GALNT17: variants seen among roughly 807,000 people sequenced by gnomAD.
GALNT17 encodes the protein UDP-GalNAc:polypeptide N-acetylgalactosaminyltransferase-like 3.
GALNT17 carries 29 observed loss-of-function variants against 63.7 expected under a neutral mutation model. The observed-to-expected ratio is 0.46, with a 90% confidence interval of 0.34 to 0.62. The LOEUF (loss-of-function observed/expected upper bound fraction) is 0.62. Among genes scored for constraint, GALNT17 ranks in the 20% least tolerant of loss-of-function variants. The pLI is 0.01. For missense variants in GALNT17, 603 were observed against 799.6 expected (o/e 0.75, Z 2.97); for synonymous variants, 305 against 318.3 (o/e 0.96, Z 0.45).
chr7:71,254,374 G>A (rs1790253525), intron 1 of GALNT17, among the ~76,000 whole-genome samples: 2 of 152,188 alleles, frequency 1.3e-5, no homozygotes, highest in Admixed American at 1.3e-4. Context: ...GGGAAGGGAA[G>A]AGGATTCTCT....
chr7:71,161,485 T>A (rs1426700071), intron 1 of GALNT17, among the ~76,000 whole-genome samples: 1 of 152,206 alleles, frequency 6.6e-6, no homozygotes, highest in Non-Finnish European at 1.5e-5. Context: ...ATTACGAATA[T>A]GCTTTCCACA....
intron 1 of GALNT17, among the ~76,000 whole-genome samples, chr7:71,158,726 G>A (rs7809410): frequency 0.46 from 69,841 of 151,144 alleles, 17,793 homozygotes; most frequent in African/African-American, 0.64. Flanking sequence ...ACAGGCGCCT[G>A]CCACCACACC....
At chr7:71,610,915 G>A (rs528486107) in intron 6 of GALNT17, among the ~76,000 whole-genome samples, 64 of 151,596 alleles carry the variant, frequency 4.2e-4, no homozygotes, top group African/African-American at 1.5e-3. Context: ...GAATTTGGAA[G>A]GCGGAGGTTG....
At chr7:71,279,144 C>G (rs773526712) in intron 1 of GALNT17, among the ~76,000 whole-genome samples, 3 of 151,866 alleles carry the variant, frequency 2.0e-5, no homozygotes, top group Non-Finnish European at 4.4e-5. Context: ...AGGATGGTCT[C>G]GATCTCCTTA....
chr7:71,694,343 A>G (rs1345997274), intron 9 of GALNT17, among the ~76,000 whole-genome samples: 1 of 143,482 alleles, frequency 7.0e-6, no homozygotes, highest in African/African-American at 2.6e-5. Flanking sequence ...CTATGATGTA[A>G]TCTATAATTA....
intron 6 of GALNT17, among the ~76,000 whole-genome samples, chr7:71,577,576 GTCT>G (rs1369965221): frequency 6.6e-5 from 10 of 152,100 alleles, no homozygotes; most frequent in African/African-American, 2.4e-4. Flanking sequence ...CCCTGCAGGG[GTCT>G]TCTTGTTGGG....
At chr7:71,676,429 G>T (rs1447586447) in intron 8 of GALNT17, among the ~76,000 whole-genome samples, 7 of 151,848 alleles carry the variant, frequency 4.6e-5, no homozygotes, top group African/African-American at 1.7e-4. Context: ...TGTCGCCCAG[G>T]CTGGAGTGAA....
At chr7:71,384,051 A>T (rs1000448698) in intron 2 of GALNT17, among the ~76,000 whole-genome samples, 2 of 152,130 alleles carry the variant, frequency 1.3e-5, no homozygotes, top group African/African-American at 4.8e-5. Flanking sequence ...CTCCCCTTCC[A>T]TCAACAGTGC....
intron 5 of GALNT17, among the ~76,000 whole-genome samples, chr7:71,561,813 G>A (rs551041541): frequency 1.4e-4 from 22 of 152,136 alleles, no homozygotes; most frequent in African/African-American, 4.6e-4. Flanking sequence ...TGACAAGCAG[G>A]CATCCAAGCG....
chr7:71,552,689 G>A (rs1049118948), intron 5 of GALNT17, among the ~76,000 whole-genome samples: 5 of 151,888 alleles, frequency 3.3e-5, no homozygotes, highest in African/African-American at 4.8e-5. Flanking sequence ...TGATCCGTCC[G>A]CCTCGGCCTC....
chr7:71,522,055 C>G (rs751018720), intron 5 of GALNT17, among the ~76,000 whole-genome samples: 1 of 152,000 alleles, frequency 6.6e-6, no homozygotes, highest in South Asian at 2.1e-4. Context: ...GCGATGAGAC[C>G]GAGAACAAAA....
At chr7:71,524,646 G>C (rs1788594579) in intron 5 of GALNT17, among the ~76,000 whole-genome samples, 1 of 152,166 alleles carries the variant, frequency 6.6e-6, no homozygotes, top group Non-Finnish European at 1.5e-5. Flanking sequence ...TAACTTTTCT[G>C]TGTTAGTTTT....
intron 1 of GALNT17, among the ~76,000 whole-genome samples, chr7:71,267,301 G>A (rs181918064): frequency 1.1e-3 from 172 of 152,236 alleles, no homozygotes; most frequent in Non-Finnish European, 1.6e-3. Flanking sequence ...CAGGCTCCAC[G>A]CCTTCCTGGA....
chr7:71,491,637 G>A lies in GALNT17; in HGVS notation c.962+70532G>A, dbSNP rs141054605. On this transcript the variant is annotated intron_variant, in intron 5 of 10. Transcript: ENST00000333538. The stretch of plus-strand genomic sequence containing the variant: ...CCAGTCCATCCTGATGCAATCAGAA[G>A]AGAATTTGGATCTAAACCAGCTGTT... Among the ~76,000 whole-genome samples, 815 of 152,304 alleles carry A rather than the reference G, an allele frequency of 5.4e-3. 7 individuals are homozygous for A. Among genetic ancestry groups the A allele is most frequent in the African/African-American group, 0.018 (757 of 41,562 alleles).
chr7:71,618,349 C>G (rs986350804), intron 6 of GALNT17, among the ~76,000 whole-genome samples: 1 of 152,154 alleles, frequency 6.6e-6, no homozygotes, highest in Non-Finnish European at 1.5e-5. Flanking sequence ...ATGGCTGGCT[C>G]GAATGGCAGC....
chr7:71,156,945 G>C (rs1261254909), intron 1 of GALNT17, among the ~76,000 whole-genome samples: 1 of 151,010 alleles, frequency 6.6e-6, no homozygotes, highest in African/African-American at 2.4e-5. Context: ...TTTTATTTAT[G>C]TATTTATTTT....
intron 9 of GALNT17, among the ~76,000 whole-genome samples, chr7:71,692,449 A>C (rs2117096353): frequency 6.6e-6 from 1 of 152,282 alleles, no homozygotes; most frequent in Non-Finnish European, 1.5e-5. Flanking sequence ...GGGGGACGTA[A>C]AGCCTCCTGG....
intron 6 of GALNT17, among the ~76,000 whole-genome samples, chr7:71,650,004 A>G (rs372095153): frequency 3.3e-5 from 5 of 152,200 alleles, no homozygotes; most frequent in African/African-American, 7.2e-5. Context: ...ATGGTGGCCA[A>G]TGTGCAGATG....
chr7:71,139,384 A>G (rs572137600), intron 1 of GALNT17, among the ~76,000 whole-genome samples: 2 of 152,208 alleles, frequency 1.3e-5, no homozygotes, highest in Non-Finnish European at 2.9e-5. Flanking sequence ...CAGCTCTGTC[A>G]TAAGAAGAAA....
Sources: gnomAD v4.1 joint callset for allele counts (sites outside exome capture counted in the v4.1 genomes callset) on GRCh38, gnomAD v4.1.1 for gene constraint, MANE v1.5 for transcripts, NCBI Gene and HGNC (gene_info 2026-07-23, HGNC 2026-07-21) for gene names.